Variants in SEH1L observed in about 807,000 individuals in gnomAD.
The protein encoded by SEH1L is SEH1 like nucleoporin.
A neutral mutation model predicts 49.5 loss-of-function variants in SEH1L; 18 were observed. The observed-to-expected ratio is 0.36, with a 90% confidence interval of 0.25 to 0.54. SEH1L has a LOEUF of 0.54. SEH1L is among the 20% of genes least tolerant of loss of function. The probability of loss-of-function intolerance (pLI) is 0.87; values close to 1 mark genes in which losing one functional copy is unlikely to be tolerated. For synonymous variants in SEH1L, 169 were observed against 178.1 expected, an observed-to-expected ratio of 0.95 and a Z score of 0.41; for missense variants, 404 against 528.8, an observed-to-expected ratio of 0.76 and a Z score of 2.31.
At chr18:12,961,100 C>T (rs1008084512) in intron 3 of SEH1L, among the ~76,000 whole-genome samples, 2 of 152,210 alleles carry the variant, frequency 1.3e-5, no homozygotes, top group Non-Finnish European at 2.9e-5. Context: ...GGTGGGCAGT[C>T]CGCATGTGCA....
At chr18:12,973,097 A>G (rs1217533147) in intron 5 of SEH1L, 1 of 152,152 alleles carries the variant, frequency 6.6e-6, no homozygotes, top group East Asian at 1.9e-4. Flanking sequence ...AGTTCCAGCT[A>G]CTTGGGAGAC....
At chr18:12,981,848 C>G (rs934306848) in intron 6 of SEH1L, among the ~76,000 whole-genome samples, 117 of 89,790 alleles carry the variant, frequency 1.3e-3, no homozygotes, top group African/African-American at 4.1e-3. Context: ...GCTGCCCTGC[C>G]CATTTTTTTT....
intron 1 of SEH1L, among the ~76,000 whole-genome samples, chr18:12,950,103 G>T (rs1021597169): frequency 6.6e-6 from 1 of 150,668 alleles, no homozygotes; most frequent in Non-Finnish European, 1.5e-5. Flanking sequence ...GTGCGATCTT[G>T]GCTTGTTGCA....
chr18:12,956,924 C>T (rs9947799), intron 3 of SEH1L, among the ~76,000 whole-genome samples: 34,129 of 151,890 alleles, frequency 0.22, 4,416 homozygotes, highest in East Asian at 0.41. Context: ...AAAATTAGCC[C>T]GGCATGGTGG....
chr18:12,984,344 T>C, intron 8 of SEH1L, 154 bp downstream of exon 8: 1 of 799,624 alleles, frequency 1.3e-6, no homozygotes, highest in South Asian at 1.7e-5. Context: ...GTTAGCTATG[T>C]ATTTGGCTTA....
chr18:12,987,090 A>T lies in SEH1L; in HGVS notation c.*33A>T. Reference sequence around the variant, plus strand: ...ATTTAACATTGAAAGGCCTTATTCAAGTGCTTGTAAATGCTTTCATTTCTG... The same window carrying T: ...ATTTAACATTGAAAGGCCTTATTCATGTGCTTGTAAATGCTTTCATTTCTG... On this transcript the variant is annotated 3_prime_UTR_variant, in exon 9 of 9. Coordinates refer to ENST00000399892, the MANE Select transcript of SEH1L (RefSeq NM_001013437.2). 7.0e-7 allele frequency: 1 copy of T among 1,430,630 alleles called. No individual in the cohort carries two copies. Among genetic ancestry groups the T allele is most frequent in the Non-Finnish European group, 9.5e-7 (1 of 1,048,546 alleles). 88.6% of individuals were successfully genotyped at this position (1,430,630 alleles called of 1,614,324 possible).
intron 3 of SEH1L, among the ~76,000 whole-genome samples, chr18:12,959,740 C>A (rs2031082796): frequency 6.6e-6 from 1 of 151,908 alleles, no homozygotes; most frequent in South Asian, 2.1e-4. Context: ...AAATTTTTTT[C>A]TTTTGTTTCC....
At chr18:12,975,902 C>T (rs916242845) in intron 5 of SEH1L, 2 of 984,446 alleles carry the variant, frequency 2.0e-6, no homozygotes, top group African/African-American at 3.5e-5. Flanking sequence ...GGTTTCTGAC[C>T]TAGCTGATGG....
At chr18:12,962,388 AAATAAT>A (rs1227764572) in intron 3 of SEH1L, among the ~76,000 whole-genome samples, 86 of 150,462 alleles carry the variant, frequency 5.7e-4, no homozygotes, top group African/African-American at 2.0e-3. Flanking sequence ...AAAAAAAAAA[AAATAAT>A]AATAATAGTG....
At chr18:12,952,856 G>T (rs1415973943) in intron 2 of SEH1L, among the ~76,000 whole-genome samples, 1 of 146,120 alleles carries the variant, frequency 6.8e-6, no homozygotes, top group African/African-American at 2.5e-5. Context: ...ATGTTGGCTC[G>T]TTGCAACCTC....
Position 12,955,510 on chromosome 18 carries a change from T to C in SEH1L, c.210T>C (p.Phe70=). 1 of 1,613,960 alleles carries C rather than the reference T, an allele frequency of 6.2e-7. No homozygotes were observed. The highest frequency in any genetic ancestry group is 8.5e-7 in the Non-Finnish European group (1 of 1,179,964). The stretch of plus-strand genomic sequence containing the variant: ...GTGTGACATGGGCCCATCCTGAATT[T>C]GGGCAGGTTTTGGCTTCCTGTTCTT... ...VWRVTWAHPE[F]GQVLASCSFD... The change falls in exon 3 of 9, where the codon TTT becomes TTC. Residue 70 remains phenylalanine, a synonymous_variant. Transcript: ENST00000399892.
chr18:12,986,891 G>T lies in SEH1L; in HGVS notation c.1100G>T (p.Arg367Leu). The T allele has an allele frequency of 6.2e-7, 1 of 1,606,246 alleles. No individual in the cohort carries two copies. The highest frequency in any genetic ancestry group is 1.7e-4 in the Middle Eastern group (1 of 6,026). The stretch of plus-strand genomic sequence containing the variant: ...TTCTTTACCCCTCTGGATTCCCCAC[G>T]GGCTGGATCGAGATGGTCCAGTTAT... ...RYFFTPLDSP[R>L]AGSRWSSYAQ... Residue 367 changes from arginine to leucine, a missense_variant, in exon 9 of 9, where the codon CGG (arginine) becomes CTG (leucine). Arg to Leu is a moderately radical substitution (Grantham distance 102). Transcript: ENST00000399892.
chr18:12,985,937 A>G (rs2032440067), intron 8 of SEH1L: 1 of 913,054 alleles, frequency 1.1e-6, no homozygotes, highest in Non-Finnish European at 1.3e-6. Flanking sequence ...AGATGGAAAC[A>G]CTTTTTTTAT....
chr18:12,962,812 G>A (rs762286943), intron 3 of SEH1L, among the ~76,000 whole-genome samples: 105 of 151,802 alleles, frequency 6.9e-4, no homozygotes, highest in Non-Finnish European at 1.2e-3. Flanking sequence ...AGCATGCTTT[G>A]TGTGACAAAA....
intron 2 of SEH1L, among the ~76,000 whole-genome samples, chr18:12,954,666 C>A (rs539224610): frequency 1.3e-5 from 2 of 152,228 alleles, no homozygotes; most frequent in East Asian, 3.9e-4. Flanking sequence ...TGGCATTTTG[C>A]CATATTGCCC....
intron 3 of SEH1L, 86 bp from the exon 4 acceptor site, chr18:12,963,074 G>A (rs1009201286): frequency 1.1e-6 from 1 of 936,882 alleles, no homozygotes; most frequent in African/African-American, 1.7e-5. Context: ...AGGAGTTTCT[G>A]TGTGATTCCA....
chr18:12,953,961 G>A (rs1422111173), intron 2 of SEH1L, among the ~76,000 whole-genome samples: 1 of 151,986 alleles, frequency 6.6e-6, no homozygotes, highest in Non-Finnish European at 1.5e-5. Flanking sequence ...TTATTCTTTA[G>A]ATTGCATTTT....
intron 1 of SEH1L, 128 bp downstream of exon 1, chr18:12,948,360 C>T (rs2145594764): frequency 1.5e-6 from 1 of 685,750 alleles, no homozygotes; most frequent in East Asian, 3.0e-5. Flanking sequence ...GCGGGCGAGC[C>T]CTGGCTGGAC....
At chr18:12,986,546 T>C (rs1424690346) in intron 8 of SEH1L, 2 of 964,814 alleles carry the variant, frequency 2.1e-6, no homozygotes, top group African/African-American at 1.7e-5. Flanking sequence ...GATTAGAAAA[T>C]GTTTTGAATT....
Sources: gnomAD v4.1 joint callset for allele counts (sites outside exome capture counted in the v4.1 genomes callset) on GRCh38, gnomAD v4.1.1 for gene constraint, MANE v1.5 for transcripts, NCBI Gene and HGNC (gene_info 2026-07-23, HGNC 2026-07-21) for gene names.